The following NAALADL2 variants were observed in gnomAD, a reference collection of about 807,000 sequenced individuals.
NAALADL2 encodes N-acetylated alpha-linked acidic dipeptidase like 2, also known as inactive N-acetylated-alpha-linked acidic dipeptidase-like protein 2.
Under a neutral mutation model 87.2 loss-of-function variants are expected in NAALADL2, and 76 were observed. The observed-to-expected ratio is 0.87, with a 90% CI of 0.72 to 1.05. The LOEUF (loss-of-function observed/expected upper bound fraction) is 1.05. Ranked by LOEUF, NAALADL2 falls within the 50% of genes least tolerant of loss-of-function variation. The pLI is 0.00. For missense variants in NAALADL2, 1,089 were observed against 945.8 expected (o/e 1.15, Z -1.99); for synonymous variants, 354 against 331.0 (o/e 1.07, Z -0.75).
intron 2 of NAALADL2, among the ~76,000 whole-genome samples, chr3:174,577,712 C>T (rs1438206870): frequency 6.6e-6 from 1 of 151,940 alleles, no homozygotes; most frequent in Non-Finnish European, 1.5e-5. Flanking sequence ...CAGGTATCCT[C>T]CACAATTTAG....
intron 3 of NAALADL2, among the ~76,000 whole-genome samples, chr3:174,832,759 C>T (rs968143022): frequency 4.6e-5 from 7 of 152,146 alleles, no homozygotes; most frequent in Non-Finnish European, 8.8e-5. Context: ...AGCCACTGCA[C>T]CTGGCCAATA....
At chr3:175,075,185 A>T (rs1482863547) in intron 1 of NAALADL2, among the ~76,000 whole-genome samples, 2 of 152,152 alleles carry the variant, frequency 1.3e-5, no homozygotes, top group Non-Finnish European at 2.9e-5. Flanking sequence ...TGTCCAAAAT[A>T]TAAGTGGTGA....
intron 8 of NAALADL2, among the ~76,000 whole-genome samples, chr3:175,468,931 T>C (rs1369943201): frequency 6.6e-6 from 1 of 152,060 alleles, no homozygotes; most frequent in Non-Finnish European, 1.5e-5. Flanking sequence ...ATTGTACCTT[T>C]TGATAATTGT....
chr3:174,620,312 G>A (rs1021778344), intron 2 of NAALADL2, among the ~76,000 whole-genome samples: 1 of 151,976 alleles, frequency 6.6e-6, no homozygotes, highest in African/African-American at 2.4e-5. Context: ...AATGGGCACT[G>A]AGTCACCCGA....
intron 1 of NAALADL2, among the ~76,000 whole-genome samples, chr3:174,491,852 A>G (rs1001687431): frequency 6.6e-6 from 1 of 152,218 alleles, no homozygotes. Flanking sequence ...ACTTTTGTCA[A>G]GAGAAATGAA....
rs144648564 is a variant in NAALADL2, at chr3:175,208,094, G to A, written c.546-25837G>A. Among the ~76,000 whole-genome samples the A allele has an allele frequency of 2.6e-3, 390 of 152,174 alleles. 2 individuals are homozygous for A. Among genetic ancestry groups the A allele is most frequent in the African/African-American group, 8.9e-3 (369 of 41,544 alleles). Reference sequence around the variant, plus strand: ...AACATGCTCACTGTTTCTTTTGTTTGTTCATGTTCCTCCATCTGACTGTTC... The same window carrying A: ...AACATGCTCACTGTTTCTTTTGTTTATTCATGTTCCTCCATCTGACTGTTC... On this transcript the variant is annotated intron_variant, in intron 2 of 13. Coordinates refer to ENST00000454872, the MANE Select transcript of NAALADL2 (RefSeq NM_207015.3).
chr3:175,013,720 C>G (rs974973447), intron 1 of NAALADL2, among the ~76,000 whole-genome samples: 3 of 152,034 alleles, frequency 2.0e-5, no homozygotes, highest in African/African-American at 7.2e-5. Flanking sequence ...TGTTTTCTGA[C>G]TTTCTAGTCC....
chr3:174,788,498 A>G (rs1455975366), intron 3 of NAALADL2, among the ~76,000 whole-genome samples: 1 of 152,140 alleles, frequency 6.6e-6, no homozygotes, highest in Non-Finnish European at 1.5e-5. Flanking sequence ...TGGCTTGCAG[A>G]TGGCTGCCTT....
At chr3:175,494,680 C>T (rs543544819) in intron 9 of NAALADL2, among the ~76,000 whole-genome samples, 3 of 152,192 alleles carry the variant, frequency 2.0e-5, no homozygotes, top group South Asian at 4.1e-4. Context: ...CCCACAGGTA[C>T]CGATTTCCAA....
chr3:174,685,067 C>T (rs975670950), intron 2 of NAALADL2, among the ~76,000 whole-genome samples: 23 of 152,000 alleles, frequency 1.5e-4, no homozygotes, highest in African/African-American at 5.3e-4. Context: ...TTAAGCTTGC[C>T]TAGTGTCACG....
intron 1 of NAALADL2, among the ~76,000 whole-genome samples, chr3:174,880,326 TAAAAC>T (rs780842314): frequency 6.6e-6 from 1 of 152,008 alleles, no homozygotes; most frequent in East Asian, 1.9e-4. Flanking sequence ...TTGCTCAGCC[TAAAAC>T]AAAACAAAAC....
intron 1 of NAALADL2, among the ~76,000 whole-genome samples, chr3:174,870,913 A>T (rs1484869243): frequency 6.6e-6 from 1 of 152,144 alleles, no homozygotes; most frequent in Non-Finnish European, 1.5e-5. Flanking sequence ...CATGTACAAC[A>T]TAGTGCTTTC....
chr3:175,730,433 T>C (rs397832917), intron 11 of NAALADL2, among the ~76,000 whole-genome samples: 5 of 84,028 alleles, frequency 6.0e-5, no homozygotes, highest in South Asian at 5.9e-4. Context: ...TATATATATA[T>C]ATATATATAT....
chr3:175,667,942 TTCACTGGGCAC>T (rs770627245), intron 11 of NAALADL2, among the ~76,000 whole-genome samples: 105 of 152,232 alleles, frequency 6.9e-4, no homozygotes, highest in Non-Finnish European at 1.4e-3. Flanking sequence ...ATTTGACAAA[TTCACTGGGCAC>T]TCACTGCATA....
intron 9 of NAALADL2, among the ~76,000 whole-genome samples, chr3:175,535,979 AC>A (rs1291976864): frequency 6.6e-6 from 1 of 152,148 alleles, no homozygotes; most frequent in African/African-American, 2.4e-5. Flanking sequence ...GCAGTTTAAT[AC>A]CATTGACAGA....
rs1754861587 is a variant in NAALADL2, at chr3:175,808,033, CCT to C, written c.*4831_*4832del. The C allele has an allele frequency of 6.6e-6, 1 of 151,880 alleles. No individual in the cohort carries two copies. Among genetic ancestry groups the C allele is most frequent in the African/African-American group, 2.4e-5 (1 of 41,456 alleles). 9.4% of individuals were successfully genotyped at this position (151,880 alleles called of 1,614,324 possible). On this transcript the variant is annotated 3_prime_UTR_variant, in exon 14 of 14. Transcript: ENST00000454872. ...CACTCTAGCATTGTAACTTTTTCCC[CCT>C]GAGAAGTAATTTTAAGATCTATCAG...
rs1426643915 is a variant in NAALADL2 at position 175,803,120 on chromosome 3, GTGT to G, written c.2308_2310del (p.Leu770del). 6.2e-7 allele frequency: 1 copy of G among 1,612,510 alleles called. No individual in the cohort carries two copies. Among genetic ancestry groups the G allele is most frequent in the Admixed American group, 1.7e-5 (1 of 59,796 alleles). On this transcript the variant is annotated inframe_deletion, in exon 14 of 14. Transcript: ENST00000454872. ...GACCCTTCAAGAAGCCCTGTCAGAG[GTGT>G]TGAACAGCATTAATTCAGCTCAGGT...
chr3:174,973,705 T>A (rs1305246018), intron 1 of NAALADL2, among the ~76,000 whole-genome samples: 1 of 152,218 alleles, frequency 6.6e-6, no homozygotes, highest in South Asian at 2.1e-4. Context: ...GTATGCGGTA[T>A]AGCCTGTTCC....
chr3:174,745,074 A>G (rs996709793), intron 3 of NAALADL2, among the ~76,000 whole-genome samples: 2 of 152,098 alleles, frequency 1.3e-5, no homozygotes, highest in African/African-American at 4.8e-5. Flanking sequence ...AAAAGCTAGC[A>G]GAAGACAAGA....
Sources: allele counts gnomAD v4.1 joint callset (sites outside exome capture counted in the v4.1 genomes callset), GRCh38; gene constraint gnomAD v4.1.1; transcripts MANE v1.5; gene names NCBI Gene and HGNC (gene_info 2026-07-23, HGNC 2026-07-21).